KCNMA1: variants seen among roughly 807,000 people sequenced by gnomAD.
The protein encoded by KCNMA1 is potassium calcium-activated channel subfamily M alpha 1, also known as Calcium-activated potassium channel subunit alpha-1.
KCNMA1 carries 29 observed loss-of-function variants against 140.0 expected under a neutral mutation model. The observed-to-expected ratio is 0.21, with a 90% confidence interval of 0.15 to 0.28. The LOEUF (loss-of-function observed/expected upper bound fraction) is 0.28. KCNMA1 is among the 10% of genes least tolerant of loss of function. The probability of loss-of-function intolerance (pLI) is 1.00; values close to 1 mark genes in which losing one functional copy is unlikely to be tolerated. For missense variants in KCNMA1, 880 were observed against 1,602.2 expected, an observed-to-expected ratio of 0.55 and a Z score of 7.70; for synonymous variants, 612 against 611.9, an observed-to-expected ratio of 1.00 and a Z score of 0.00.
downstream of KCNMA1, among the ~76,000 whole-genome samples, chr10:76,883,758 A>G (rs958003945): frequency 6.9e-6 from 1 of 144,488 alleles, no homozygotes; most frequent in Non-Finnish European, 1.5e-5. Flanking sequence ...GGCAGTGAAC[A>G]GGAAGAGATA....
intron 24 of KCNMA1, chr10:76,912,624 C>T (rs1171703207): frequency 6.6e-6 from 1 of 152,194 alleles, no homozygotes; most frequent in Non-Finnish European, 1.5e-5. Flanking sequence ...GTCAATGATG[C>T]TAATCAAATA....
chr10:77,550,476 T>C (rs2062533899), intron 1 of KCNMA1, among the ~76,000 whole-genome samples: 1 of 152,208 alleles, frequency 6.6e-6, no homozygotes, highest in Non-Finnish European at 1.5e-5. Context: ...CTCTTTTATC[T>C]CCTGGATTAA....
At chr10:77,449,003 C>T (rs11002174) in intron 1 of KCNMA1, among the ~76,000 whole-genome samples, 7,596 of 151,550 alleles carry the variant, frequency 0.05, 554 homozygotes, top group African/African-American at 0.16. Flanking sequence ...AGGAGAATCG[C>T]TTGAATCCAG....
At chr10:76,939,949 G>A (rs189427135) in intron 23 of KCNMA1, among the ~76,000 whole-genome samples, 34 of 152,262 alleles carry the variant, frequency 2.2e-4, no homozygotes, top group South Asian at 4.1e-4. Context: ...AGATAAATGC[G>A]TGCTAAATAA....
At chr10:77,033,358 G>A (rs1388578373) in intron 15 of KCNMA1, among the ~76,000 whole-genome samples, 1 of 151,988 alleles carries the variant, frequency 6.6e-6, no homozygotes, top group East Asian at 1.9e-4. Context: ...TTTTCTCTAT[G>A]AAGCTTTGAT....
chr10:77,637,802 G>A lies in KCNMA1; in HGVS notation c.-160C>T. The A allele has an allele frequency of 8.2e-7, 1 of 1,225,020 alleles. No individual in the cohort carries two copies. Among genetic ancestry groups the A allele is most frequent in the Admixed American group, 4.3e-5 (1 of 23,206 alleles). 75.9% of individuals were successfully genotyped at this position (1,225,020 alleles called of 1,614,324 possible). A position where few individuals can be genotyped will look rare whatever the true frequency, so the allele number is the denominator to read the frequency against. ...GCGGGGAGGCGCCTGGGCTCGGGGC[G>A]CTGTGCGCGACCTGGCGGGGTGCGC... On this transcript the variant is annotated 5_prime_UTR_variant, in exon 1 of 28. Coordinates refer to ENST00000286628, the MANE Select transcript of KCNMA1 (RefSeq NM_001161352.2).
At chr10:77,335,575 G>T (rs1207620244) in intron 2 of KCNMA1, among the ~76,000 whole-genome samples, 1 of 152,136 alleles carries the variant, frequency 6.6e-6, no homozygotes, top group Admixed American at 6.6e-5. Flanking sequence ...AGGCTCCTAG[G>T]TGATTCTAAT....
chr10:77,003,986 G>A (rs1209482985), intron 18 of KCNMA1, among the ~76,000 whole-genome samples: 1 of 152,084 alleles, frequency 6.6e-6, no homozygotes, highest in Non-Finnish European at 1.5e-5. Context: ...ACCATGCATT[G>A]TTCTAAAATT....
chr10:77,002,549 C>A (rs1057415192), intron 18 of KCNMA1, among the ~76,000 whole-genome samples: 2 of 152,134 alleles, frequency 1.3e-5, no homozygotes, highest in Non-Finnish European at 2.9e-5. Context: ...ATAGGTTCCA[C>A]GTGAAATATC....
intron 1 of KCNMA1, among the ~76,000 whole-genome samples, chr10:77,439,775 C>T (rs780212313): frequency 2.0e-5 from 3 of 152,126 alleles, no homozygotes; most frequent in South Asian, 2.1e-4. Context: ...TAGCTGCATT[C>T]GTGGGATGGG....
intron 1 of KCNMA1, among the ~76,000 whole-genome samples, chr10:77,429,488 G>A (rs1035388047): frequency 6.6e-6 from 1 of 152,004 alleles, no homozygotes; most frequent in East Asian, 1.9e-4. Flanking sequence ...GAACATCGCT[G>A]GTCTACCCTT....
At chr10:77,029,287 A>G (rs2093737160) in intron 15 of KCNMA1, among the ~76,000 whole-genome samples, 1 of 152,210 alleles carries the variant, frequency 6.6e-6, no homozygotes, top group Non-Finnish European at 1.5e-5. Flanking sequence ...ATGCTTATTT[A>G]TTTAGCTCCA....
intron 10 of KCNMA1, among the ~76,000 whole-genome samples, chr10:77,087,235 C>G (rs2096712486): frequency 6.6e-6 from 1 of 152,170 alleles, no homozygotes; most frequent in African/African-American, 2.4e-5. Flanking sequence ...ACCAGCTTTC[C>G]TGGGTCTCCA....
chr10:77,036,785 T>C (rs1358126511), intron 15 of KCNMA1, among the ~76,000 whole-genome samples: 3 of 152,218 alleles, frequency 2.0e-5, no homozygotes, highest in Non-Finnish European at 4.4e-5. Flanking sequence ...TGAAGAGTGT[T>C]ATCATTAAAC....
At chr10:77,318,721 T>A (rs1482611000) in intron 2 of KCNMA1, among the ~76,000 whole-genome samples, 1 of 152,166 alleles carries the variant, frequency 6.6e-6, no homozygotes, top group Non-Finnish European at 1.5e-5. Flanking sequence ...GCTGTCCACC[T>A]CTTGGTATCT....
At chr10:77,119,033 T>G (rs2097541053) in intron 6 of KCNMA1, among the ~76,000 whole-genome samples, 1 of 152,334 alleles carries the variant, frequency 6.6e-6, no homozygotes, top group South Asian at 2.1e-4. Context: ...GGGGCCCGGA[T>G]GGCAGATGCC....
Position 76,992,145 on chromosome 10 carries a change from C to T in KCNMA1, c.2266+9262G>A, listed in dbSNP as rs770375861. Among the ~76,000 whole-genome samples, 11 of 152,168 alleles carry T rather than the reference C, an allele frequency of 7.2e-5. No individual in the cohort carries two copies. In the East Asian group the frequency reaches 7.7e-4, roughly 11 times the overall value. ...AAACTTTCAGATTTACTAGAAAAGG[C>T]TGGGGGAGTTTTTTCTTGCTGTTTC... On this transcript the variant is annotated intron_variant, in intron 19 of 27. Transcript: ENST00000286628.
At chr10:77,636,250 C>T (rs2093710393) in intron 1 of KCNMA1, 1 of 1,437,504 alleles carries the variant, frequency 7.0e-7, no homozygotes, top group African/African-American at 1.4e-5. Flanking sequence ...AGTGTCGGGT[C>T]CCCCACTCCA....
At chr10:77,626,975 C>T (rs1255060062) in intron 1 of KCNMA1, among the ~76,000 whole-genome samples, 1 of 152,224 alleles carries the variant, frequency 6.6e-6, no homozygotes, top group Non-Finnish European at 1.5e-5. Context: ...CAACCTCTCC[C>T]TCTACCTCCT....
Sources: allele counts gnomAD v4.1 joint callset (sites outside exome capture counted in the v4.1 genomes callset), GRCh38; gene constraint gnomAD v4.1.1; transcripts MANE v1.5; gene names NCBI Gene and HGNC (gene_info 2026-07-23, HGNC 2026-07-21).